The following TMC2 variants were observed in gnomAD, a reference collection of about 807,000 sequenced individuals.
TMC2 encodes transmembrane channel-like protein 2.
Under a neutral mutation model 105.9 loss-of-function variants are expected in TMC2, and 102 were observed. The observed-to-expected ratio is 0.96, with a 90% confidence interval of 0.82 to 1.14. The LOEUF (loss-of-function observed/expected upper bound fraction) is 1.14. Among genes scored for constraint, TMC2 ranks in the 50% most tolerant of loss-of-function variants. TMC2 has a pLI of 0.00. For synonymous variants in TMC2, 402 were observed against 422.8 expected (o/e 0.95, Z 0.60); for missense variants, 1,093 against 1,134.3 (o/e 0.96, Z 0.52).
chr20:2,567,168 G>C (rs544584428), intron 4 of TMC2, among the ~76,000 whole-genome samples: 3 of 152,312 alleles, frequency 2.0e-5, no homozygotes, highest in African/African-American at 7.2e-5. Context: ...GGACCATGTG[G>C]GGAGTCTAGA....
intron 16 of TMC2, among the ~76,000 whole-genome samples, chr20:2,618,682 C>T (rs552721846): frequency 6.6e-6 from 1 of 152,294 alleles, no homozygotes; most frequent in Admixed American, 6.5e-5. Context: ...AGATAATGTG[C>T]ATCTACTGTT....
rs570956108 is a variant in TMC2 at position 2,606,076 on chromosome 20, A to G, written c.1413+3775A>G. ...ACTCCATAAATAATTATTAAAGTCAATGACCAGAAAGAAGTCAAAGGTTAC... is the reference window on the plus strand; with the variant it reads ...ACTCCATAAATAATTATTAAAGTCAGTGACCAGAAAGAAGTCAAAGGTTAC... On this transcript the variant is annotated intron_variant, in intron 11 of 19. Coordinates refer to ENST00000358864, the MANE Select transcript of TMC2 (RefSeq NM_080751.3). 3.3e-5 allele frequency among the ~76,000 whole-genome samples: 5 copies of G among 152,324 alleles called. No individual in the cohort carries two copies. The East Asian group carries it at 7.7e-4, about 23-fold the overall frequency.
At chr20:2,613,052 TCA>T in intron 13 of TMC2, 140 bp from the exon 14 acceptor site, 1 of 1,142,722 alleles carries the variant, frequency 8.8e-7, no homozygotes, top group Non-Finnish European at 1.2e-6. Flanking sequence ...TCGCCTCTCT[TCA>T]CACACAAAGG....
chr20:2,623,203 G>A (rs529333809), intron 16 of TMC2, among the ~76,000 whole-genome samples: 13 of 151,806 alleles, frequency 8.6e-5, no homozygotes, highest in East Asian at 3.9e-4. Flanking sequence ...CACAGCTTTC[G>A]TGGGGAGAAC....
intron 16 of TMC2, among the ~76,000 whole-genome samples, chr20:2,620,018 G>A (rs2086513567): frequency 6.6e-6 from 1 of 152,008 alleles, no homozygotes; most frequent in South Asian, 2.1e-4. Flanking sequence ...GGTGGAAGTT[G>A]CAATAAGCCA....
intron 16 of TMC2, among the ~76,000 whole-genome samples, chr20:2,623,005 A>G (rs539229592): frequency 5.3e-5 from 8 of 152,258 alleles, no homozygotes; most frequent in South Asian, 2.1e-4. Flanking sequence ...GCCCAAAGGT[A>G]TTGAACTTCT....
rs1234560852 is a variant in TMC2 at position 2,635,978 on chromosome 20, G to GCC, written c.2361_2362dup (p.Gln788ProfsTer3). On this transcript the variant is annotated frameshift_variant, in exon 18 of 20. Transcript: ENST00000358864. LOFTEE classifies it high-confidence loss of function. ...TTCCAAAAGCCTTTCCCGAGCTAAT[G>GCC]CCCAGCTGAGGAAGAAAATCCAAGT... 6.2e-7 allele frequency: 1 copy of GCC among 1,613,982 alleles called. No homozygotes were observed. Among genetic ancestry groups the GCC allele is most frequent in the Non-Finnish European group, 8.5e-7 (1 of 1,179,992 alleles).
At chr20:2,612,581 C>G (rs192141149) in intron 13 of TMC2, among the ~76,000 whole-genome samples, 3 of 152,236 alleles carry the variant, frequency 2.0e-5, no homozygotes, top group East Asian at 1.9e-4. Context: ...TTCAATTTTT[C>G]CAAAAACATA....
At position 2,575,981 on chromosome 20, in the gene TMC2, T is replaced by C. The variant is rs143585711; in HGVS notation, c.646-3165T>C. 4.7e-3 allele frequency among the ~76,000 whole-genome samples: 715 copies of C among 152,350 alleles called. 8 individuals are homozygous for C. Among genetic ancestry groups the C allele is most frequent in the African/African-American group, 0.016 (676 of 41,582 alleles). ...CATATTTATTGCATCCTATTAGGAA[T>C]GCTGACCTGCTTTCTAGAATTTATG... On this transcript the variant is annotated intron_variant, in intron 5 of 19. Transcript: ENST00000358864.
intron 7 of TMC2, among the ~76,000 whole-genome samples, chr20:2,582,673 G>A (rs950556945): frequency 2.0e-5 from 3 of 151,804 alleles, no homozygotes; most frequent in African/African-American, 7.3e-5. Flanking sequence ...ATGGGGTTTC[G>A]CCATGTTGGC....
At chr20:2,628,487 T>G (rs989410249) in intron 17 of TMC2, among the ~76,000 whole-genome samples, 3 of 152,198 alleles carry the variant, frequency 2.0e-5, no homozygotes, top group Non-Finnish European at 4.4e-5. Context: ...ACATTTCATC[T>G]TGAATTGTAA....
intron 7 of TMC2, among the ~76,000 whole-genome samples, chr20:2,585,388 T>C (rs2086224770): frequency 6.6e-6 from 1 of 152,216 alleles, no homozygotes; most frequent in Non-Finnish European, 1.5e-5. Flanking sequence ...TTCCTTCTAA[T>C]TTCTTGGGGT....
In TMC2 at chr20:2,608,056, G is replaced by A. The variant is rs1046029600; in HGVS notation, c.1414-2363G>A. Among the ~76,000 whole-genome samples the A allele has an allele frequency of 7.3e-5, 11 of 151,428 alleles. No homozygotes were observed. In the East Asian group the frequency reaches 1.2e-3, roughly 16 times the overall value. On this transcript the variant is annotated intron_variant, in intron 11 of 19. Coordinates refer to ENST00000358864, the MANE Select transcript of TMC2 (RefSeq NM_080751.3). Reference sequence around the variant, plus strand: ...GGAGAATTGCTTGAATCCCAGAGGCGGAGGTTGCAGTGAGCCAAGACTGCG... The same window carrying A: ...GGAGAATTGCTTGAATCCCAGAGGCAGAGGTTGCAGTGAGCCAAGACTGCG...
In TMC2 at chr20:2,616,419, G is replaced by A. The variant is rs1223817111; in HGVS notation, c.1940+215G>A. ...GCTACCATAGAAGTAGAGAGAAAGGGAGAGGGGTTGGTGGAGGAGAAAAGG... is the reference window on the plus strand; with the variant it reads ...GCTACCATAGAAGTAGAGAGAAAGGAAGAGGGGTTGGTGGAGGAGAAAAGG... On this transcript the variant is annotated intron_variant, in intron 15 of 19. Coordinates refer to ENST00000358864, the MANE Select transcript of TMC2 (RefSeq NM_080751.3). The surrounding 1 kb of genome is among the most constrained non-coding windows in gnomAD (Gnocchi z 4.8). Among the ~76,000 whole-genome samples, 1 of 151,798 alleles carries A rather than the reference G, an allele frequency of 6.6e-6. No homozygotes were observed. Among genetic ancestry groups the A allele is most frequent in the Non-Finnish European group, 1.5e-5 (1 of 68,018 alleles).
chr20:2,592,214 C>A lies in TMC2; in HGVS notation c.835-96C>A. On this transcript the variant is annotated intron_variant, in intron 7 of 19. Transcript: ENST00000358864. The surrounding 1 kb of genome is among the most constrained non-coding windows in gnomAD (Gnocchi z 4.9). ...AAGAAAGAAGAAAATAGGTGTATTC[C>A]GCTCTGAGAAGGAAAGCATTTACCC... The A allele has an allele frequency of 2.7e-6, 2 of 738,468 alleles. No homozygotes were observed. Among genetic ancestry groups the A allele is most frequent in the South Asian group, 3.5e-5 (2 of 56,380 alleles). The allele number at this position is 738,468 out of a possible 1,614,324, so 45.7% of individuals were successfully genotyped here.
intron 16 of TMC2, among the ~76,000 whole-genome samples, chr20:2,620,267 G>A (rs2146252448): frequency 6.6e-6 from 1 of 152,266 alleles, no homozygotes; most frequent in Admixed American, 6.5e-5. Context: ...TGATGATTCT[G>A]GAAATTCTCA....
intron 16 of TMC2, among the ~76,000 whole-genome samples, chr20:2,620,589 C>T (rs372348458): frequency 5.9e-5 from 9 of 152,090 alleles, no homozygotes; most frequent in South Asian, 2.1e-4. Flanking sequence ...ATTATATCAG[C>T]GGAAACATTA....
At chr20:2,628,884 C>A (rs377669654) in intron 17 of TMC2, among the ~76,000 whole-genome samples, 5 of 152,108 alleles carry the variant, frequency 3.3e-5, no homozygotes, top group Non-Finnish European at 7.4e-5. Context: ...GGGCAGATCA[C>A]GAGGTCAGGA....
intron 6 of TMC2, among the ~76,000 whole-genome samples, chr20:2,579,430 A>ATT (rs1276673845): frequency 7.1e-6 from 1 of 141,756 alleles, no homozygotes; most frequent in African/African-American, 2.6e-5. Flanking sequence ...ATTTATTTTT[A>ATT]TTTATTTTTG....
Sources: allele counts gnomAD v4.1 joint callset (sites outside exome capture counted in the v4.1 genomes callset), GRCh38; gene constraint gnomAD v4.1.1; non-coding constraint Gnocchi (gnomAD v3.1); transcripts MANE v1.5; gene names NCBI Gene and HGNC (gene_info 2026-07-23, HGNC 2026-07-21).